The following ERBB4 variants were observed in gnomAD, a reference collection of about 807,000 sequenced individuals.
ERBB4 encodes receptor tyrosine-protein kinase erbB-4.
ERBB4 carries 42 observed loss-of-function variants against 158.0 expected under a neutral mutation model. The ratio of observed to expected loss-of-function variants is 0.27; its 90% confidence interval spans 0.21 to 0.34. The LOEUF (loss-of-function observed/expected upper bound fraction) is 0.34, where lower values mean the gene tolerates loss of function less well. Among genes scored for constraint, ERBB4 ranks in the 10% least tolerant of loss-of-function variants. The pLI is 1.00. For synonymous variants in ERBB4, 583 were observed against 558.7 expected, an observed-to-expected ratio of 1.04 and a Z score of -0.61; for missense variants, 1,333 against 1,624.1, an observed-to-expected ratio of 0.82 and a Z score of 3.08.
chr2:211,524,605 G>A (rs960830967), intron 20 of ERBB4, among the ~76,000 whole-genome samples: 2 of 151,878 alleles, frequency 1.3e-5, no homozygotes, highest in South Asian at 2.1e-4. Context: ...TACACCCTCC[G>A]CAGCCGCTGG....
intron 3 of ERBB4, among the ~76,000 whole-genome samples, chr2:211,906,511 A>C (rs2125045072): frequency 6.6e-6 from 1 of 152,008 alleles, no homozygotes; most frequent in Non-Finnish European, 1.5e-5. Flanking sequence ...AGTTTAAAAG[A>C]AGAAAGTATA....
At chr2:211,956,306 T>C (rs1362421002) in intron 2 of ERBB4, among the ~76,000 whole-genome samples, 1 of 152,090 alleles carries the variant, frequency 6.6e-6, no homozygotes, top group African/African-American at 2.4e-5. Flanking sequence ...TTTGTTTAGA[T>C]ATAGATAGAG....
intron 1 of ERBB4, among the ~76,000 whole-genome samples, chr2:212,391,061 A>G (rs2090839588): frequency 6.6e-6 from 1 of 151,772 alleles, no homozygotes; most frequent in African/African-American, 2.4e-5. Context: ...TGCTGTGTTT[A>G]CGTCTTAATA....
chr2:211,855,879 T>C (rs1001593084), intron 3 of ERBB4, among the ~76,000 whole-genome samples: 11 of 152,156 alleles, frequency 7.2e-5, no homozygotes, highest in South Asian at 2.1e-4. Context: ...GTGAAACTAT[T>C]ATAATTTGCA....
At chr2:211,961,496 G>T (rs2125175390) in intron 2 of ERBB4, among the ~76,000 whole-genome samples, 1 of 152,262 alleles carries the variant, frequency 6.6e-6, no homozygotes, top group African/African-American at 2.4e-5. Context: ...CATGCTGACT[G>T]CTGTGCCATT....
At chr2:211,845,514 C>T (rs2077567021) in intron 3 of ERBB4, among the ~76,000 whole-genome samples, 1 of 152,124 alleles carries the variant, frequency 6.6e-6, no homozygotes, top group South Asian at 2.1e-4. Flanking sequence ...GGCTTCAGAC[C>T]TCTCAGGGGA....
chr2:211,828,857 C>T (rs746804901), intron 3 of ERBB4, among the ~76,000 whole-genome samples: 2 of 152,124 alleles, frequency 1.3e-5, no homozygotes, highest in Admixed American at 6.6e-5. Flanking sequence ...TCCAGCATCA[C>T]ATGCTGCCTC....
intron 19 of ERBB4, among the ~76,000 whole-genome samples, chr2:211,618,925 G>A (rs1057455817): frequency 1.3e-5 from 2 of 152,014 alleles, no homozygotes; most frequent in African/African-American, 2.4e-5. Context: ...TTCACCTTGG[G>A]GACTGTAAAT....
At chr2:212,266,691 T>A (rs1187261705) in intron 1 of ERBB4, among the ~76,000 whole-genome samples, 1 of 152,002 alleles carries the variant, frequency 6.6e-6, no homozygotes. Flanking sequence ...ATTATTATTA[T>A]TAGTGGAATA....
chr2:212,080,338 AT>A (rs2078399726), intron 2 of ERBB4, among the ~76,000 whole-genome samples: 2 of 151,244 alleles, frequency 1.3e-5, no homozygotes, highest in African/African-American at 4.9e-5. Context: ...AAAAATAAAA[AT>A]TAAAATTAAA....
At chr2:212,097,833 G>A (rs1171534252) in intron 2 of ERBB4, among the ~76,000 whole-genome samples, 1 of 152,142 alleles carries the variant, frequency 6.6e-6, no homozygotes. Flanking sequence ...CTTGTTAAGA[G>A]CCATTTCATT....
At chr2:211,811,386 G>T (rs2076752642) in intron 3 of ERBB4, among the ~76,000 whole-genome samples, 3 of 152,136 alleles carry the variant, frequency 2.0e-5, no homozygotes, top group African/African-American at 7.2e-5. Flanking sequence ...GAGATCCGCT[G>T]CTAGGCTGAT....
At chr2:211,597,790 A>G (rs916040779) in intron 19 of ERBB4, among the ~76,000 whole-genome samples, 1 of 152,172 alleles carries the variant, frequency 6.6e-6, no homozygotes, top group African/African-American at 2.4e-5. Flanking sequence ...TAAAAATATT[A>G]CTTAAAAATG....
intron 1 of ERBB4, among the ~76,000 whole-genome samples, chr2:212,219,955 C>CAAAA (rs11387376): frequency 7.2e-6 from 1 of 138,756 alleles, no homozygotes; most frequent in Non-Finnish European, 1.6e-5. Context: ...TATCAACCCG[C>CAAAA]AAAAAAAAAA....
intron 1 of ERBB4, among the ~76,000 whole-genome samples, chr2:212,228,694 C>T (rs2083561154): frequency 6.6e-6 from 1 of 152,164 alleles, no homozygotes; most frequent in African/African-American, 2.4e-5. Flanking sequence ...CTTGCTGCTA[C>T]AGTGCAGTGG....
At chr2:212,464,951 A>T (rs1034378135) in intron 1 of ERBB4, among the ~76,000 whole-genome samples, 1 of 151,510 alleles carries the variant, frequency 6.6e-6, no homozygotes, top group Non-Finnish European at 1.5e-5. Context: ...ACACAGTACA[A>T]ATTGACAGTC....
At chr2:211,465,416 GA>G (rs2064655788) in intron 20 of ERBB4, among the ~76,000 whole-genome samples, 1 of 150,510 alleles carries the variant, frequency 6.6e-6, no homozygotes, top group Admixed American at 6.6e-5. Flanking sequence ...ACAGAAAATT[GA>G]AATCCCTGGG....
chr2:211,762,019 G>A (rs2075428832), intron 4 of ERBB4, among the ~76,000 whole-genome samples: 1 of 152,174 alleles, frequency 6.6e-6, no homozygotes. Flanking sequence ...TCACATATTT[G>A]ATGAAGGAAT....
chr2:211,461,680 A>G (rs1484997139), intron 20 of ERBB4, among the ~76,000 whole-genome samples: 1 of 152,158 alleles, frequency 6.6e-6, no homozygotes, highest in East Asian at 1.9e-4. Context: ...ACAGAAGGAG[A>G]GAGAGATACA....
Sources: allele counts gnomAD v4.1 joint callset (sites outside exome capture counted in the v4.1 genomes callset), GRCh38; gene constraint gnomAD v4.1.1; transcripts MANE v1.5; gene names NCBI Gene and HGNC (gene_info 2026-07-23, HGNC 2026-07-21).